The following IQSEC1 variants were observed in gnomAD, a reference collection of about 807,000 sequenced individuals.
IQSEC1 encodes IQ motif and Sec7 domain ArfGEF 1.
IQSEC1 carries 31 observed loss-of-function variants against 91.0 expected under a neutral mutation model. The ratio of observed to expected loss-of-function variants is 0.34; its 90% confidence interval spans 0.26 to 0.46. The LOEUF (loss-of-function observed/expected upper bound fraction) is 0.46. IQSEC1 is among the 20% of genes least tolerant of loss of function. The pLI is 1.00. For synonymous variants in IQSEC1, 699 were observed against 662.6 expected (o/e 1.05, Z -0.84); for missense variants, 1,388 against 1,575.6 (o/e 0.88, Z 2.02).
rs555415993 is a variant in IQSEC1 at position 13,139,152 on chromosome 3, A to G, written c.302+24952T>C. On this transcript the variant is annotated intron_variant, in intron 2 of 15. Coordinates refer to the IQSEC1 transcript ENST00000648114. ...AGTAGGCAGAGGACAGCACTTCGCTAGCCATTTTAACAACGAGAAACTCAA... is the reference window on the plus strand; with the variant it reads ...AGTAGGCAGAGGACAGCACTTCGCTGGCCATTTTAACAACGAGAAACTCAA... 1.1e-4 allele frequency among the ~76,000 whole-genome samples: 16 copies of G among 152,294 alleles called. No individual in the cohort carries two copies. In the East Asian group the frequency reaches 3.1e-3, roughly 29 times the overall value.
rs1325192659 is a variant in IQSEC1, at chr3:12,997,778, A to G, written c.24-55913T>C. Among the ~76,000 whole-genome samples the G allele has an allele frequency of 5.1e-4, 78 of 152,246 alleles. 1 individual carries two copies. Among genetic ancestry groups the G allele is most frequent in the Admixed American group, 5.1e-3 (78 of 15,288 alleles). ...GAACAACTCAAAATAAAAATGTCCA[A>G]TTAATTTGACCAGGTAGTAGATATT... On this transcript the variant is annotated intron_variant, in intron 1 of 13. Transcript: ENST00000613206.
At chr3:13,120,320 G>T (rs1187827260) in intron 2 of IQSEC1, among the ~76,000 whole-genome samples, 2 of 152,168 alleles carry the variant, frequency 1.3e-5, no homozygotes, top group East Asian at 3.9e-4. Flanking sequence ...CTGAGGCTTG[G>T]TAGGAGGGGG....
At chr3:12,911,763 G>A in intron 9 of IQSEC1, 35 bp from the exon 10 acceptor site, 1 of 1,428,234 alleles carries the variant, frequency 7.0e-7, no homozygotes, top group Non-Finnish European at 9.8e-7. Flanking sequence ...GAGCTACAGT[G>A]TCTCGGGGGG....
chr3:13,119,636 G>A (rs1183146758), intron 2 of IQSEC1, among the ~76,000 whole-genome samples: 1 of 152,236 alleles, frequency 6.6e-6, no homozygotes, highest in Non-Finnish European at 1.5e-5. Context: ...AAAGCAGACG[G>A]TGGGCTGGAT....
Position 13,263,439 on chromosome 3 carries a change from G to GGGGGGAA in IQSEC1, c.272+19271_272+19272insTTCCCCC, listed in dbSNP as rs1553581065. 1.7e-3 allele frequency among the ~76,000 whole-genome samples: 185 copies of GGGGGGAA among 107,218 alleles called. 2 individuals are homozygous for GGGGGGAA. The highest frequency in any genetic ancestry group is 5.1e-3 in the African/African-American group (166 of 32,652). The allele number at this position is 107,218 out of a possible 152,430, so 70.3% of individuals were successfully genotyped here. On this transcript the variant is annotated intron_variant, in intron 1 of 15. Transcript: ENST00000648114. ...ACACTTTTTTTTTTGGGGGGGGGGGGAAAGTACCTGACACTTTTTTTTTTT... is the reference window on the plus strand; with the variant it reads ...ACACTTTTTTTTTTGGGGGGGGGGGGGGGGGAAAAAGTACCTGACACTTTTTTTTTTT...
At chr3:13,225,533 G>A (rs1694736991) in intron 1 of IQSEC1, among the ~76,000 whole-genome samples, 1 of 152,196 alleles carries the variant, frequency 6.6e-6, no homozygotes, top group African/African-American at 2.4e-5. Flanking sequence ...TTGGCAGGTG[G>A]TAAGTACCAG....
intron 1 of IQSEC1, among the ~76,000 whole-genome samples, chr3:12,965,335 A>C (rs1018747723): frequency 6.6e-6 from 1 of 152,208 alleles, no homozygotes; most frequent in Non-Finnish European, 1.5e-5. Context: ...ACCGTGCTGC[A>C]TCCCATCCGG....
chr3:13,234,307 GTGTC>G (rs1177007483), intron 1 of IQSEC1, among the ~76,000 whole-genome samples: 1 of 139,244 alleles, frequency 7.2e-6, no homozygotes, highest in Non-Finnish European at 1.6e-5. Flanking sequence ...TGTGAGTCCT[GTGTC>G]TGTGTGTGCC....
At chr3:12,946,631 A>T (rs1410686928) in intron 1 of IQSEC1, among the ~76,000 whole-genome samples, 1 of 152,214 alleles carries the variant, frequency 6.6e-6, no homozygotes, top group Non-Finnish European at 1.5e-5. Flanking sequence ...CACACACTGG[A>T]AATAACATCA....
At chr3:12,948,130 G>A (rs775897725) in intron 1 of IQSEC1, among the ~76,000 whole-genome samples, 1 of 152,256 alleles carries the variant, frequency 6.6e-6, no homozygotes, top group Non-Finnish European at 1.5e-5. Flanking sequence ...TAAAATTGGG[G>A]TAATTAGTGT....
intron 1 of IQSEC1, among the ~76,000 whole-genome samples, chr3:13,173,483 A>G (rs1372087120): frequency 1.3e-5 from 2 of 152,194 alleles, no homozygotes; most frequent in African/African-American, 2.4e-5. Context: ...TGGCCTCCCA[A>G]GGCCTCCTGC....
At chr3:13,027,717 G>A (rs912474086) in intron 1 of IQSEC1, among the ~76,000 whole-genome samples, 1 of 152,158 alleles carries the variant, frequency 6.6e-6, no homozygotes, top group Non-Finnish European at 1.5e-5. Context: ...GATGGCCAGT[G>A]GGAGCAGGTT....
chr3:13,091,273 G>A (rs1420979571), intron 2 of IQSEC1, among the ~76,000 whole-genome samples: 1 of 152,240 alleles, frequency 6.6e-6, no homozygotes, highest in Non-Finnish European at 1.5e-5. Flanking sequence ...GCTGGTTGCT[G>A]TCCTCCTTCC....
chr3:13,208,463 C>T (rs545083600), intron 1 of IQSEC1, among the ~76,000 whole-genome samples: 6 of 152,288 alleles, frequency 3.9e-5, no homozygotes, highest in African/African-American at 1.4e-4. Context: ...CTGGTGAACT[C>T]CTGTTCACCT....
At chr3:13,043,481 A>G (rs996168849) in intron 1 of IQSEC1, among the ~76,000 whole-genome samples, 5 of 152,054 alleles carry the variant, frequency 3.3e-5, no homozygotes. Context: ...TCTCGGGTGC[A>G]CTTCCTGCAG....
intron 1 of IQSEC1, among the ~76,000 whole-genome samples, chr3:12,999,548 G>A (rs368689660): frequency 2.0e-5 from 3 of 152,170 alleles, no homozygotes; most frequent in African/African-American, 7.2e-5. Flanking sequence ...AGCACTGGGC[G>A]CCCACGTGGG....
chr3:13,016,766 C>T (rs906523944), intron 1 of IQSEC1, among the ~76,000 whole-genome samples: 5 of 152,232 alleles, frequency 3.3e-5, no homozygotes, highest in Non-Finnish European at 5.9e-5. Context: ...ATATAATTCA[C>T]ACACCATACA....
intron 6 of IQSEC1, among the ~76,000 whole-genome samples, 199 bp from the exon 7 acceptor site, chr3:12,915,932 C>T (rs953871862): frequency 2.0e-5 from 3 of 152,190 alleles, no homozygotes; most frequent in Non-Finnish European, 4.4e-5. Flanking sequence ...CCAATACATC[C>T]GACCCGGTCT....
chr3:12,975,343 G>T lies in IQSEC1; in HGVS notation c.24-33478C>A, dbSNP rs1355262424. ...GAGCATGATCTTGAATCTTGGGCAA[G>T]TGGTTTGGTCTTCCTAAGCCTCCTT... On this transcript the variant is annotated intron_variant, in intron 1 of 13. Coordinates refer to ENST00000613206, the MANE Select transcript of IQSEC1 (RefSeq NM_001134382.3). Among the ~76,000 whole-genome samples the T allele has an allele frequency of 3.3e-5, 5 of 152,362 alleles. No individual in the cohort carries two copies. In the East Asian group the frequency reaches 9.6e-4, roughly 29 times the overall value.
Sources: gnomAD v4.1 joint callset for allele counts (sites outside exome capture counted in the v4.1 genomes callset) on GRCh38, gnomAD v4.1.1 for gene constraint, MANE v1.5 for transcripts, NCBI Gene and HGNC (gene_info 2026-07-23, HGNC 2026-07-21) for gene names.